The following PALS2 variants were observed in gnomAD, a reference collection of about 807,000 sequenced individuals.
The protein encoded by PALS2 is protein associated with LIN7 2, MAGUK p55 family member, also known as protein PALS2.
In PALS2, 27 loss-of-function variants were observed where a neutral mutation model predicts 61.6. The ratio of observed to expected loss-of-function variants is 0.44; its 90% CI spans 0.32 to 0.60. The LOEUF is 0.60. PALS2 is among the 20% of genes least tolerant of loss of function. PALS2 has a pLI of 0.05. For missense variants in PALS2, 554 were observed against 639.4 expected, an observed-to-expected ratio of 0.87 and a Z score of 1.44; for synonymous variants, 236 against 218.6, an observed-to-expected ratio of 1.08 and a Z score of -0.70.
chr7:24,682,841 G>A (rs188699292), intron 11 of PALS2, among the ~76,000 whole-genome samples: 22 of 152,048 alleles, frequency 1.4e-4, no homozygotes, highest in African/African-American at 5.1e-4. Flanking sequence ...CCATAGTCTG[G>A]ATTTTACCCA....
At position 24,595,408 on chromosome 7, in the gene PALS2, A is replaced by T. The variant is rs571665109; in HGVS notation, c.-3+21815A>T. On this transcript the variant is annotated intron_variant, in intron 1 of 11. Transcript: ENST00000222644. The stretch of plus-strand genomic sequence containing the variant: ...ATCAACTATTTATATATATATAAAA[A>T]ATATATATAAATATATAAAAAATAT... Among the ~76,000 whole-genome samples the T allele has an allele frequency of 7.4e-4, 105 of 142,144 alleles. No individual in the cohort carries two copies. In the East Asian group the frequency reaches 0.017, roughly 23 times the overall value. The allele number at this position is 142,144 out of a possible 152,430, so 93.3% of individuals were successfully genotyped here.
intron 4 of PALS2, 49 bp from the exon 5 acceptor site, chr7:24,650,436 G>A: frequency 2.9e-6 from 4 of 1,379,900 alleles, no homozygotes; most frequent in Non-Finnish European, 4.0e-6. Flanking sequence ...GAATATTTAA[G>A]CATTTCTCCC....
intron 6 of PALS2, among the ~76,000 whole-genome samples, chr7:24,664,092 A>G (rs921460632): frequency 6.6e-6 from 1 of 152,186 alleles, no homozygotes; most frequent in African/African-American, 2.4e-5. Flanking sequence ...TTTACTGTGA[A>G]ATAAGTGTGT....
chr7:24,574,517 A>T (rs1420190900), intron 1 of PALS2, among the ~76,000 whole-genome samples: 1 of 151,830 alleles, frequency 6.6e-6, no homozygotes, highest in African/African-American at 2.4e-5. Flanking sequence ...TTGGGTGTGC[A>T]TCTGTGTAGG....
intron 2 of PALS2, among the ~76,000 whole-genome samples, chr7:24,625,644 T>C (rs1232625186): frequency 1.7e-4 from 26 of 152,182 alleles, no homozygotes; most frequent in Admixed American, 1.7e-3. Context: ...GGAGTAAAAA[T>C]TTACTGATTT....
At chr7:24,583,603 G>A (rs1052186941) in intron 1 of PALS2, among the ~76,000 whole-genome samples, 1 of 150,784 alleles carries the variant, frequency 6.6e-6, no homozygotes, top group South Asian at 2.1e-4. Context: ...AGGCATTTTT[G>A]AGGATATCTT....
At chr7:24,593,072 C>G (rs1319693004) in intron 1 of PALS2, among the ~76,000 whole-genome samples, 5 of 152,092 alleles carry the variant, frequency 3.3e-5, no homozygotes, top group African/African-American at 1.2e-4. Flanking sequence ...CTTTCAAACC[C>G]TGCTACTTTA....
rs1180571600 is a variant in PALS2 at position 24,596,826 on chromosome 7, G to C, written c.-3+23233G>C. 6.6e-6 allele frequency among the ~76,000 whole-genome samples: 1 copy of C among 152,150 alleles called. No homozygotes were observed. The highest frequency in any genetic ancestry group is 6.6e-5 in the Admixed American group (1 of 15,256). The stretch of plus-strand genomic sequence containing the variant: ...TGTGGTGGGGAGAGATTGGGGATTA[G>C]TATACCAGTTAAGAGGCTTTTAAAG... On this transcript the variant is annotated intron_variant, in intron 1 of 11. Coordinates refer to ENST00000222644, the MANE Select transcript of PALS2 (RefSeq NM_001303037.2). The surrounding 1 kb of genome is among the most constrained non-coding windows in gnomAD (Gnocchi z 4.5).
At chr7:24,666,646 C>T (rs74969546) in intron 8 of PALS2, among the ~76,000 whole-genome samples, 10,539 of 152,126 alleles carry the variant, frequency 0.069, 450 homozygotes, top group African/African-American at 0.11. Context: ...ATAGCTTGAT[C>T]GAGGTAATCA....
chr7:24,636,676 A>C (rs1405789595), intron 2 of PALS2, among the ~76,000 whole-genome samples: 4 of 152,202 alleles, frequency 2.6e-5, no homozygotes, highest in Admixed American at 2.6e-4. Context: ...TAGAAATATA[A>C]AATTAAATTT....
rs1788348224 is a variant in PALS2, at chr7:24,689,063, C to T, written c.*1449C>T. ...TCCTGACCTCAAGTGATCCACCCACCTTGGCCTCCCAAAGTGCTGAGATTA... is the reference window on the plus strand; with the variant it reads ...TCCTGACCTCAAGTGATCCACCCACTTTGGCCTCCCAAAGTGCTGAGATTA... On this transcript the variant is annotated 3_prime_UTR_variant, in exon 12 of 12. Transcript: ENST00000222644. The T allele has an allele frequency of 6.6e-6, 1 of 152,208 alleles. No individual in the cohort carries two copies. Among genetic ancestry groups the T allele is most frequent in the African/African-American group, 2.4e-5 (1 of 41,450 alleles). 9.4% of individuals were successfully genotyped at this position (152,208 alleles called of 1,614,324 possible). A position where few individuals can be genotyped will look rare whatever the true frequency, so the allele number is the denominator to read the frequency against.
At chr7:24,647,266 C>A (rs1159112392) in intron 3 of PALS2, among the ~76,000 whole-genome samples, 2 of 151,972 alleles carry the variant, frequency 1.3e-5, no homozygotes, top group Non-Finnish European at 2.9e-5. Context: ...CCTGCCTCAG[C>A]CTCCCAAGTA....
chr7:24,670,897 G>A (rs1237797224), intron 9 of PALS2, among the ~76,000 whole-genome samples: 1 of 152,050 alleles, frequency 6.6e-6, no homozygotes, highest in Non-Finnish European at 1.5e-5. Flanking sequence ...ATTATTATAT[G>A]GCTATACCAC....
intron 3 of PALS2, among the ~76,000 whole-genome samples, chr7:24,645,544 G>A (rs1241578163): frequency 6.6e-6 from 1 of 152,222 alleles, no homozygotes; most frequent in East Asian, 1.9e-4. Flanking sequence ...TTGAAGTTGG[G>A]TAATGTGATG....
intron 1 of PALS2, 121 bp from the exon 2 acceptor site, chr7:24,623,545 A>G (rs1583890481): frequency 5.2e-6 from 3 of 582,272 alleles, no homozygotes; most frequent in Non-Finnish European, 8.9e-6. Flanking sequence ...TATTTTTCCA[A>G]AGAGTATTCT....
At chr7:24,661,248 C>T (rs1786703797) in intron 5 of PALS2, among the ~76,000 whole-genome samples, 1 of 151,012 alleles carries the variant, frequency 6.6e-6, no homozygotes, top group Admixed American at 6.6e-5. Context: ...ATTTTTCAGA[C>T]AAATTTTCAA....
At chr7:24,599,670 G>GT (rs1562606443) in intron 1 of PALS2, among the ~76,000 whole-genome samples, 2 of 150,938 alleles carry the variant, frequency 1.3e-5, no homozygotes, top group Admixed American at 1.3e-4. Context: ...GCACCTGGCT[G>GT]TTTTTTGTAT....
Position 24,692,754 on chromosome 7 carries a change from C to A in PALS2, c.*5140C>A, listed in dbSNP as rs928578232. 1 of 152,180 alleles carries A rather than the reference C, an allele frequency of 6.6e-6. No individual in the cohort carries two copies. The highest frequency in any genetic ancestry group is 1.5e-5 in the Non-Finnish European group (1 of 68,044). 9.4% of individuals were successfully genotyped at this position (152,180 alleles called of 1,614,324 possible). ...CAAAATGTAAGCAAGCAATCCAGTACTCGGTTACACCAGAAGACTCTGATC... is the reference window on the plus strand; with the variant it reads ...CAAAATGTAAGCAAGCAATCCAGTAATCGGTTACACCAGAAGACTCTGATC... On this transcript the variant is annotated 3_prime_UTR_variant, in exon 12 of 12. Coordinates refer to ENST00000222644, the MANE Select transcript of PALS2 (RefSeq NM_001303037.2).
intron 6 of PALS2, among the ~76,000 whole-genome samples, chr7:24,664,720 G>C (rs1356123283): frequency 6.6e-6 from 1 of 152,026 alleles, no homozygotes; most frequent in East Asian, 1.9e-4. Flanking sequence ...CAGAATCCAT[G>C]ATTTCAAGAG....
Sources: allele counts gnomAD v4.1 joint callset (sites outside exome capture counted in the v4.1 genomes callset), GRCh38; gene constraint gnomAD v4.1.1; non-coding constraint Gnocchi (gnomAD v3.1); transcripts MANE v1.5; gene names NCBI Gene and HGNC (gene_info 2026-07-23, HGNC 2026-07-21).